TAOK1: variants seen among roughly 807,000 people sequenced by gnomAD.
TAOK1 encodes TAO kinase 1, also known as serine/threonine-protein kinase TAO1.
A neutral mutation model predicts 138.3 loss-of-function variants in TAOK1; 21 were observed. The observed-to-expected ratio is 0.15, with a 90% CI of 0.11 to 0.22. The LOEUF is 0.22. Among genes scored for constraint, TAOK1 ranks in the 10% least tolerant of loss-of-function variants. The probability of loss-of-function intolerance (pLI) is 1.00; values close to 1 mark genes in which losing one functional copy is unlikely to be tolerated. For synonymous variants in TAOK1, 361 were observed against 398.4 expected (o/e 0.91, Z 1.12); for missense variants, 651 against 1,227.7 (o/e 0.53, Z 7.02).
Position 29,400,223 on chromosome 17 carries a change from G to T in TAOK1, c.-95+9199G>T, listed in dbSNP as rs147004676. 2.6e-5 allele frequency among the ~76,000 whole-genome samples: 4 copies of T among 151,806 alleles called. No individual in the cohort carries two copies. In the East Asian group the frequency reaches 5.8e-4, roughly 22 times the overall value. On this transcript the variant is annotated intron_variant, in intron 1 of 19. Coordinates refer to ENST00000261716, the MANE Select transcript of TAOK1 (RefSeq NM_020791.4). ...ATCCTGGCCAAAGTGGTGAAACCCCGTCTTTACTAAAAACACAAAAATTAG... is the reference window on the plus strand; with the variant it reads ...ATCCTGGCCAAAGTGGTGAAACCCCTTCTTTACTAAAAACACAAAAATTAG...
At position 29,408,596 on chromosome 17, in the gene TAOK1, G is replaced by A. The variant is rs552492656; in HGVS notation, c.-95+17572G>A. 3.3e-5 allele frequency among the ~76,000 whole-genome samples: 5 copies of A among 152,078 alleles called. No individual in the cohort carries two copies. In the South Asian group the frequency reaches 1.0e-3, roughly 32 times the overall value. On this transcript the variant is annotated intron_variant, in intron 1 of 19. Transcript: ENST00000261716. ...CAAATTTTTAATGTACAGATCAGTG[G>A]CTGTAACAATCACTTTAATAATAGA...
intron 1 of TAOK1, among the ~76,000 whole-genome samples, chr17:29,434,674 C>G (rs1905969733): frequency 6.6e-6 from 1 of 152,106 alleles, no homozygotes; most frequent in South Asian, 2.1e-4. Context: ...TTCCCTAGGC[C>G]TCATTTATGC....
At chr17:29,464,568 G>A (rs146050197) in intron 2 of TAOK1, among the ~76,000 whole-genome samples, 2 of 151,958 alleles carry the variant, frequency 1.3e-5, no homozygotes, top group African/African-American at 2.4e-5. Flanking sequence ...TATGGTATAT[G>A]AATTATTTCT....
At position 29,498,506 on chromosome 17, in the gene TAOK1, T is replaced by C. The variant is rs1476588274; in HGVS notation, c.1188T>C (p.Val396=). The C allele has an allele frequency of 1.2e-6, 2 of 1,614,048 alleles. No individual in the cohort carries two copies. The highest frequency in any genetic ancestry group is 3.3e-5 in the Admixed American group (2 of 59,992). The part of the protein sequence containing the change: ...GDHTVMSNSS[V]IHLKPEEENY... ...ACACAGTGATGTCTAACAGTTCTGT[T>C]ATCCATTTAAAACCAGTGAGTATTT... The change falls in exon 12 of 20, where the codon GTT becomes GTC. Residue 396 remains valine (V), a synonymous_variant. Coordinates refer to ENST00000261716, the MANE Select transcript of TAOK1 (RefSeq NM_020791.4).
chr17:29,529,500 G>T (rs969640048), intron 17 of TAOK1, among the ~76,000 whole-genome samples: 4 of 152,104 alleles, frequency 2.6e-5, no homozygotes, highest in African/African-American at 9.7e-5. Context: ...AGGAGGCCAA[G>T]GCAGGTGGAT....
At chr17:29,410,263 T>C (rs1412220923) in intron 1 of TAOK1, among the ~76,000 whole-genome samples, 1 of 152,200 alleles carries the variant, frequency 6.6e-6, no homozygotes, top group Non-Finnish European at 1.5e-5. Context: ...TTGTTTTTGT[T>C]TTTTGAGACG....
chr17:29,411,787 T>G (rs1049746665), intron 1 of TAOK1, among the ~76,000 whole-genome samples: 1 of 152,188 alleles, frequency 6.6e-6, no homozygotes, highest in African/African-American at 2.4e-5. Context: ...AGTGAATTTT[T>G]TTTTTAACCA....
chr17:29,496,522 AAGTT>A (rs2031416536), intron 11 of TAOK1, among the ~76,000 whole-genome samples: 1 of 151,440 alleles, frequency 6.6e-6, no homozygotes, highest in Non-Finnish European at 1.5e-5. Context: ...AGTCATGAGA[AAGTT>A]AGTAGGCATT....
chr17:29,452,213 AC>A (rs2030257016), intron 2 of TAOK1, among the ~76,000 whole-genome samples: 1 of 152,152 alleles, frequency 6.6e-6, no homozygotes, highest in South Asian at 2.1e-4. Context: ...AGATCCTGTC[AC>A]AAAAAATAAA....
At chr17:29,490,304 A>G (rs2031272756) in intron 9 of TAOK1, among the ~76,000 whole-genome samples, 1 of 152,074 alleles carries the variant, frequency 6.6e-6, no homozygotes, top group Admixed American at 6.6e-5. Context: ...AATTTAGTTC[A>G]TTCATGTAAA....
At position 29,477,717 on chromosome 17, in the gene TAOK1, T is replaced by A; in HGVS notation, c.352+11T>A. 7.2e-7 allele frequency: 1 copy of A among 1,381,402 alleles called. No homozygotes were observed. The highest frequency in any genetic ancestry group is 2.3e-5 in the Admixed American group (1 of 42,786). 85.6% of individuals were successfully genotyped at this position (1,381,402 alleles called of 1,614,324 possible). On this transcript the variant is annotated intron_variant, in intron 5 of 19. Transcript: ENST00000261716. Reference sequence around the variant, plus strand: ...CGGATTTACTAGAAGGTAAGTTCCCTTTGATTATTTTTTAAAAAGTATTCA... The same window carrying A: ...CGGATTTACTAGAAGGTAAGTTCCCATTGATTATTTTTTAAAAAGTATTCA...
chr17:29,465,834 G>T (rs1314510934), intron 2 of TAOK1, among the ~76,000 whole-genome samples: 2 of 26,074 alleles, frequency 7.7e-5, no homozygotes, highest in Non-Finnish European at 1.4e-4. Flanking sequence ...TCAAGTTTCT[G>T]TGCTTTTTTT....
In TAOK1 at chr17:29,477,716, C is replaced by T. The variant is rs762514775; in HGVS notation, c.352+10C>T. ...TCGGATTTACTAGAAGGTAAGTTCC[C>T]TTTGATTATTTTTTAAAAAGTATTC... On this transcript the variant is annotated intron_variant, in intron 5 of 19. Transcript: ENST00000261716. 7 of 1,389,766 alleles carry T rather than the reference C, an allele frequency of 5.0e-6. No homozygotes were observed. The highest frequency in any genetic ancestry group is 2.9e-5 in the African/African-American group (2 of 67,914). 86.1% of individuals were successfully genotyped at this position (1,389,766 alleles called of 1,614,324 possible).
intron 1 of TAOK1, among the ~76,000 whole-genome samples, chr17:29,432,628 C>G (rs751942813): frequency 2.0e-5 from 3 of 152,050 alleles, no homozygotes; most frequent in African/African-American, 7.2e-5. Context: ...CTGTGCCCGG[C>G]CTGCCTGGCT....
intron 1 of TAOK1, among the ~76,000 whole-genome samples, chr17:29,408,120 T>C (rs1427946228): frequency 6.6e-6 from 1 of 152,058 alleles, no homozygotes; most frequent in Non-Finnish European, 1.5e-5. Flanking sequence ...CCTTGCCATA[T>C]TGCCTAGGCT....
chr17:29,455,254 T>TTA (rs1442130262), intron 2 of TAOK1, among the ~76,000 whole-genome samples: 3 of 150,420 alleles, frequency 2.0e-5, no homozygotes, highest in African/African-American at 5.0e-5. Context: ...GTAAGTGGAA[T>TTA]TACTTTCTTA....
intron 3 of TAOK1, among the ~76,000 whole-genome samples, chr17:29,467,503 A>C (rs1478327008): frequency 6.6e-6 from 1 of 152,106 alleles, no homozygotes; most frequent in Non-Finnish European, 1.5e-5. Flanking sequence ...TGATCTCCTG[A>C]CCTCGTGATC....
In TAOK1 at chr17:29,422,101, G is replaced by A. The variant is rs531021409; in HGVS notation, c.-94-29354G>A. Among the ~76,000 whole-genome samples the A allele has an allele frequency of 2.5e-3, 378 of 152,138 alleles. 3 individuals carry two copies. Among genetic ancestry groups the A allele is most frequent in the African/African-American group, 8.2e-3 (340 of 41,508 alleles). Reference sequence around the variant, plus strand: ...TTTAGTAGAGACAGGGTTTCACTGTGTTAGCCAGGATGGTCTCAATCTCCT... The same window carrying A: ...TTTAGTAGAGACAGGGTTTCACTGTATTAGCCAGGATGGTCTCAATCTCCT... On this transcript the variant is annotated intron_variant, in intron 1 of 19. Transcript: ENST00000261716.
intron 8 of TAOK1, among the ~76,000 whole-genome samples, chr17:29,486,251 T>C (rs1001173389): frequency 6.6e-6 from 1 of 152,208 alleles, no homozygotes; most frequent in Non-Finnish European, 1.5e-5. Context: ...ATCGCGCCAC[T>C]GCACTCCAGC....
Sources: gnomAD v4.1 joint callset for allele counts (sites outside exome capture counted in the v4.1 genomes callset) on GRCh38, gnomAD v4.1.1 for gene constraint, MANE v1.5 for transcripts, NCBI Gene and HGNC (gene_info 2026-07-23, HGNC 2026-07-21) for gene names.